RALYL: variants seen among roughly 807,000 people sequenced by gnomAD.
The protein encoded by RALYL is RNA-binding Raly-like protein.
In RALYL, 29 loss-of-function variants were observed where a neutral mutation model predicts 35.1. The observed-to-expected ratio is 0.83, with a 90% CI of 0.61 to 1.13. RALYL has a LOEUF of 1.13. Among genes scored for constraint, RALYL ranks in the 50% most tolerant of loss-of-function variants. The pLI, the probability that RALYL is intolerant of heterozygous loss-of-function variation, is 0.00. For synonymous variants in RALYL, 120 were observed against 127.6 expected (o/e 0.94, Z 0.40); for missense variants, 359 against 360.4 (o/e 1.00, Z 0.03).
intron 1 of RALYL, among the ~76,000 whole-genome samples, chr8:84,259,658 T>C (rs1831844344): frequency 6.6e-6 from 1 of 152,208 alleles, no homozygotes; most frequent in Admixed American, 6.5e-5. Flanking sequence ...TTTTCCTGAT[T>C]ATGCTTGTAT....
At chr8:84,598,222 A>G (rs144227350) in intron 2 of RALYL, among the ~76,000 whole-genome samples, 12 of 152,248 alleles carry the variant, frequency 7.9e-5, no homozygotes, top group African/African-American at 2.6e-4. Context: ...CCTGGGTTAC[A>G]GTGGTGCAGT....
chr8:84,185,081 ATC>A, intron 1 of RALYL: 2 of 1,553,436 alleles, frequency 1.3e-6, no homozygotes, highest in Non-Finnish European at 1.8e-6. Context: ...CTGTCTTTGG[ATC>A]TTTTTTTTCC....
chr8:84,454,844 G>A (rs369251436), intron 1 of RALYL, among the ~76,000 whole-genome samples: 1 of 151,962 alleles, frequency 6.6e-6, no homozygotes, highest in Admixed American at 6.6e-5. Context: ...GTGGGAGGAG[G>A]TACTCAGGAA....
chr8:84,258,477 C>CT (rs946270960), intron 1 of RALYL, among the ~76,000 whole-genome samples: 29 of 149,676 alleles, frequency 1.9e-4, no homozygotes, highest in African/African-American at 4.6e-4. Context: ...CTTTTGATTA[C>CT]TTTTTTTTTT....
chr8:84,540,131 T>C (rs2059925937), intron 2 of RALYL, among the ~76,000 whole-genome samples: 1 of 151,788 alleles, frequency 6.6e-6, no homozygotes, highest in South Asian at 2.1e-4. Flanking sequence ...TTTAAACCAG[T>C]GTATGTGTAC....
chr8:84,488,186 A>T (rs1398035811), intron 1 of RALYL, among the ~76,000 whole-genome samples: 1 of 152,072 alleles, frequency 6.6e-6, no homozygotes, highest in Admixed American at 6.6e-5. Flanking sequence ...ATTGTAACAA[A>T]TATGATTTTC....
At chr8:84,666,085 A>G (rs1180616139) in intron 2 of RALYL, among the ~76,000 whole-genome samples, 2 of 152,038 alleles carry the variant, frequency 1.3e-5, no homozygotes, top group African/African-American at 4.8e-5. Context: ...TTAGATCTGT[A>G]TATGTTTTGT....
At chr8:84,210,590 C>A (rs1819252697) in intron 1 of RALYL, among the ~76,000 whole-genome samples, 1 of 152,030 alleles carries the variant, frequency 6.6e-6, no homozygotes, top group Non-Finnish European at 1.5e-5. Flanking sequence ...CTGGATCATT[C>A]CCTCTACCAG....
At chr8:84,833,582 G>A (rs1203916526) in intron 4 of RALYL, among the ~76,000 whole-genome samples, 1 of 149,932 alleles carries the variant, frequency 6.7e-6, no homozygotes, top group Non-Finnish European at 1.5e-5. Context: ...AGGTTGCAGT[G>A]AGCTGAGATT....
intron 2 of RALYL, among the ~76,000 whole-genome samples, chr8:84,644,754 T>G (rs1827120903): frequency 6.6e-6 from 1 of 151,864 alleles, no homozygotes. Flanking sequence ...TTTTTTCTTC[T>G]TCTTATTATT....
intron 2 of RALYL, among the ~76,000 whole-genome samples, chr8:84,756,027 C>T (rs994425044): frequency 6.6e-6 from 1 of 152,074 alleles, no homozygotes; most frequent in South Asian, 2.1e-4. Flanking sequence ...AACTTATTGC[C>T]ATGAACAAAT....
chr8:84,311,090 A>AAAAAAAAAAAAAAAAAAATAT (rs1554614840), intron 1 of RALYL, among the ~76,000 whole-genome samples: 1 of 99,720 alleles, frequency 1.0e-5, no homozygotes, highest in African/African-American at 3.6e-5. Context: ...AAAAAAAAAA[A>AAAAAAAAAAAAAAAAAAATAT]ATGTATATTA....
chr8:84,190,427 T>C (rs577519832), intron 1 of RALYL, among the ~76,000 whole-genome samples: 1 of 152,350 alleles, frequency 6.6e-6, no homozygotes, highest in East Asian at 1.9e-4. Flanking sequence ...AAGTGAATAC[T>C]TTCAATGCAG....
chr8:84,840,270 T>C (rs1832939711), intron 4 of RALYL, among the ~76,000 whole-genome samples: 1 of 151,634 alleles, frequency 6.6e-6, no homozygotes, highest in South Asian at 2.1e-4. Context: ...AGAGAAGTCC[T>C]TAAAGGACCT....
intron 6 of RALYL, among the ~76,000 whole-genome samples, chr8:84,865,637 A>G (rs1839041610): frequency 6.6e-6 from 1 of 152,174 alleles, no homozygotes; most frequent in South Asian, 2.1e-4. Flanking sequence ...GACATTGCAG[A>G]TTAGCATTTT....
At chr8:84,664,263 A>ATTTTTTTTTTTTTTTT (rs60423756) in intron 2 of RALYL, among the ~76,000 whole-genome samples, 1 of 58,034 alleles carries the variant, frequency 1.7e-5, no homozygotes, top group Admixed American at 2.8e-4. Flanking sequence ...ATGCCTCTAG[A>ATTTTTTTTTTTTTTTT]TTTTTTTTTT....
At chr8:84,487,017 C>T (rs2054707783) in intron 1 of RALYL, among the ~76,000 whole-genome samples, 1 of 152,012 alleles carries the variant, frequency 6.6e-6, no homozygotes, top group Non-Finnish European at 1.5e-5. Flanking sequence ...CCACCACAGG[C>T]ACTGGATTTA....
chr8:84,674,556 A>G (rs900060118), intron 2 of RALYL, among the ~76,000 whole-genome samples: 1 of 152,132 alleles, frequency 6.6e-6, no homozygotes, highest in African/African-American at 2.4e-5. Flanking sequence ...TTTTGTAGTT[A>G]TCTCTGGCTC....
intron 2 of RALYL, among the ~76,000 whole-genome samples, chr8:84,769,965 G>A (rs1815034897): frequency 6.6e-6 from 1 of 152,110 alleles, no homozygotes. Context: ...TCTTCTGGGT[G>A]TCGTTTCCAA....
Sources: allele counts gnomAD v4.1 joint callset (sites outside exome capture counted in the v4.1 genomes callset), GRCh38; gene constraint gnomAD v4.1.1; transcripts MANE v1.5; gene names NCBI Gene and HGNC (gene_info 2026-07-23, HGNC 2026-07-21).